Variants in UNC13A observed in about 807,000 individuals in gnomAD.
UNC13A encodes unc-13 homolog A, also known as protein unc-13 homolog A.
In UNC13A, 61 loss-of-function variants were observed where a neutral mutation model predicts 219.7. The ratio of observed to expected loss-of-function variants is 0.28; its 90% CI spans 0.23 to 0.34. The LOEUF (loss-of-function observed/expected upper bound fraction) is 0.34. UNC13A is among the 10% of genes least tolerant of loss of function. The pLI, the probability that UNC13A is intolerant of heterozygous loss-of-function variation, is 1.00. For synonymous variants in UNC13A, 920 were observed against 884.6 expected (o/e 1.04, Z -0.71); for missense variants, 1,476 against 2,270.3 (o/e 0.65, Z 7.11).
intron 38 of UNC13A, 86 bp downstream of exon 38, chr19:17,620,607 C>T (rs866393177): frequency 1.4e-5 from 19 of 1,397,966 alleles, no homozygotes; most frequent in South Asian, 6.2e-5. Context: ...TCGGACGGCA[C>T]GAACCACAGA....
In UNC13A at chr19:17,627,391, G is replaced by A. The variant is rs1327287495; in HGVS notation, c.3920+118C>T. ...AAAGCCAAGATTTGAACTCAGCCTT[G>A]TCTAACTCTGAGCCTGCAATCTTCA... On this transcript the variant is annotated intron_variant, in intron 33 of 43. Transcript: ENST00000519716. The surrounding 1 kb of genome is among the most constrained non-coding windows in gnomAD (Gnocchi z 4.7). 4 of 780,398 alleles carry A rather than the reference G, an allele frequency of 5.1e-6. No individual in the cohort carries two copies. The African/African-American group carries it at 5.2e-5, about 10-fold the overall frequency. 48.3% of individuals were successfully genotyped at this position (780,398 alleles called of 1,614,324 possible).
At chr19:17,619,463 T>G (rs1599336539) in intron 38 of UNC13A, among the ~76,000 whole-genome samples, 4 of 143,516 alleles carry the variant, frequency 2.8e-5, no homozygotes, top group Admixed American at 1.5e-4. Context: ...TGAGACAGAG[T>G]CTCCCTCTGT....
At chr19:17,609,904 C>G (rs373455211) in intron 43 of UNC13A, 36 bp downstream of exon 43, 33 of 1,610,280 alleles carry the variant, frequency 2.0e-5, no homozygotes, top group Non-Finnish European at 2.6e-5. Context: ...TGCCCCCTCC[C>G]TTGCCCCCAT....
intron 43 of UNC13A, among the ~76,000 whole-genome samples, chr19:17,607,469 G>A (rs1372958658): frequency 7.3e-6 from 1 of 137,642 alleles, no homozygotes; most frequent in Admixed American, 7.2e-5. Flanking sequence ...GCGGGGGGGG[G>A]GGTCTCACCA....
chr19:17,648,794 C>T, intron 15 of UNC13A, 118 bp downstream of exon 15: 2 of 1,479,770 alleles, frequency 1.4e-6, no homozygotes, highest in Admixed American at 2.2e-5. Flanking sequence ...TGCCTTCTGC[C>T]AGTCTGTGTC....
At chr19:17,681,127 T>C (rs1387926093) in intron 1 of UNC13A, among the ~76,000 whole-genome samples, 1 of 145,756 alleles carries the variant, frequency 6.9e-6, no homozygotes, top group East Asian at 2.0e-4. Context: ...TATGGCTGGC[T>C]TCAAGGCTCA....
Position 17,646,103 on chromosome 19 carries a change from C to T in UNC13A, c.2053G>A (p.Ala685Thr). 6.2e-7 allele frequency: 1 copy of T among 1,613,738 alleles called. No homozygotes were observed. The highest frequency in any genetic ancestry group is 8.5e-7 in the Non-Finnish European group (1 of 1,179,904). The stretch of plus-strand genomic sequence containing the variant: ...TTGTCCTTTGCCTGCAAGCCCTGGG[C>T]GCAGACCACTGGAAGACACAGAGGG... ...SAKISITVVC[A>T]QGLQAKDKTG... Residue 685 changes from alanine to threonine, a missense_variant, in exon 18 of 44, where the codon GCC (alanine) becomes ACC (threonine). Ala to Thr is a moderately conservative substitution (Grantham distance 58, BLOSUM62 0). Transcript: ENST00000519716.
intron 34 of UNC13A, chr19:17,626,371 T>C (rs2076783934): frequency 2.3e-6 from 1 of 432,026 alleles, no homozygotes; most frequent in South Asian, 4.4e-5. Context: ...TTTTAATCCA[T>C]GCGTCCACCC....
At chr19:17,625,898 G>T (rs543726905) in intron 34 of UNC13A, among the ~76,000 whole-genome samples, 1 of 142,668 alleles carries the variant, frequency 7.0e-6, no homozygotes, top group African/African-American at 2.6e-5. Context: ...TTTATTCAAT[G>T]ATCTAAATAT....
chr19:17,621,379 T>C (rs912664583), intron 37 of UNC13A, among the ~76,000 whole-genome samples: 1 of 152,196 alleles, frequency 6.6e-6, no homozygotes, highest in African/African-American at 2.4e-5. Context: ...CGATATCTTC[T>C]GCACAAGTGT....
rs2076498447 is a variant in UNC13A at position 17,604,315 on chromosome 19, C to T, written c.*1739G>A. 6.6e-6 allele frequency: 1 copy of T among 152,188 alleles called. No individual in the cohort carries two copies. The highest frequency in any genetic ancestry group is 1.5e-5 in the Non-Finnish European group (1 of 68,070). 9.4% of individuals were successfully genotyped at this position (152,188 alleles called of 1,614,324 possible). ...AACTCCTCAGGACTGCGTACGAGGC[C>T]CTGCCTGGTCTGATGCTTCTGCAGA... On this transcript the variant is annotated 3_prime_UTR_variant, in exon 44 of 44. Transcript: ENST00000519716.
At chr19:17,610,760 G>T (rs1964543222) in intron 42 of UNC13A, among the ~76,000 whole-genome samples, 1 of 152,140 alleles carries the variant, frequency 6.6e-6, no homozygotes, top group Non-Finnish European at 1.5e-5. Context: ...CAGGTATGGT[G>T]GCTCACGTCT....
In UNC13A at chr19:17,607,011, A is replaced by G. The variant is rs572367114; in HGVS notation, c.4812-657T>C. Among the ~76,000 whole-genome samples, 20 of 152,070 alleles carry G rather than the reference A, an allele frequency of 1.3e-4. 1 individual carries two copies. The South Asian group carries it at 4.2e-3, about 32-fold the overall frequency. ...AGCTTCTCCCTCTTGTCCACCTCCC[A>G]GGTTGTACCTCTATCCCTGAAGTAC... On this transcript the variant is annotated intron_variant, in intron 43 of 43. Coordinates refer to ENST00000519716, the MANE Select transcript of UNC13A (RefSeq NM_001080421.3).
In UNC13A at chr19:17,656,219, C is replaced by G; in HGVS notation, c.947G>C (p.Arg316Pro). The change falls in exon 10 of 44, where the codon CGC (arginine) becomes CCC (proline). Residue 316 changes from arginine to proline, a missense_variant. Arg to Pro is a moderately radical substitution (Grantham distance 103). Transcript: ENST00000519716. ...SSVSYHKDSP[R>P]WDQDEEELEE... ...CAGCTCTTCCTCATCCTGGTCCCAGCGAGGCGAGTCTTTGTGGTAGCTGAC... is the reference window on the plus strand; with the variant it reads ...CAGCTCTTCCTCATCCTGGTCCCAGGGAGGCGAGTCTTTGTGGTAGCTGAC... 1 of 1,552,170 alleles carries G rather than the reference C, an allele frequency of 6.4e-7. No individual in the cohort carries two copies. Among genetic ancestry groups the G allele is most frequent in the South Asian group, 1.2e-5 (1 of 84,052 alleles).
chr19:17,688,269 G>C lies in UNC13A; in HGVS notation c.-70C>G. On this transcript the variant is annotated 5_prime_UTR_variant, in exon 1 of 44. Coordinates refer to ENST00000519716, the MANE Select transcript of UNC13A (RefSeq NM_001080421.3). Reference sequence around the variant, plus strand: ...GTCGGGTCGGGCTCAGCGGCCGCTGGGCTGGGGCATCTCCCGGCTGCAGCC... The same window carrying C: ...GTCGGGTCGGGCTCAGCGGCCGCTGCGCTGGGGCATCTCCCGGCTGCAGCC... 1.4e-6 allele frequency: 2 copies of C among 1,383,624 alleles called. No homozygotes were observed. The highest frequency in any genetic ancestry group is 1.9e-6 in the Non-Finnish European group (2 of 1,069,522). 85.7% of individuals were successfully genotyped at this position (1,383,624 alleles called of 1,614,324 possible).
intron 19 of UNC13A, among the ~76,000 whole-genome samples, chr19:17,644,274 A>G (rs2077000652): frequency 6.8e-6 from 1 of 147,952 alleles, no homozygotes; most frequent in Non-Finnish European, 1.5e-5. Flanking sequence ...CTGCAGCTTC[A>G]ACCTCCCAGG....
chr19:17,630,102 C>T (rs1261259675), intron 30 of UNC13A, 43 bp downstream of exon 30: 2 of 1,547,384 alleles, frequency 1.3e-6, no homozygotes, highest in East Asian at 2.4e-5. Flanking sequence ...TTCCCTAACC[C>T]TGACCCTGTC....
Position 17,605,895 on chromosome 19 carries a change from CA to C in UNC13A, c.*158del. The C allele has an allele frequency of 2.8e-6, 2 of 704,734 alleles. No homozygotes were observed. Among genetic ancestry groups the C allele is most frequent in the Non-Finnish European group, 4.1e-6 (2 of 482,560 alleles). The allele number at this position is 704,734 out of a possible 1,614,324, so 43.7% of individuals were successfully genotyped here. On this transcript the variant is annotated 3_prime_UTR_variant, in exon 44 of 44. Coordinates refer to ENST00000519716, the MANE Select transcript of UNC13A (RefSeq NM_001080421.3). ...GGGGCATCCTCCATTCCTAATTCCC[CA>C]AAAGGGAAAGCTGAGTCAAGGGCGT...
intron 7 of UNC13A, among the ~76,000 whole-genome samples, chr19:17,666,236 A>G (rs2079645592): frequency 1.3e-5 from 1 of 76,284 alleles, no homozygotes; most frequent in Non-Finnish European, 2.7e-5. Flanking sequence ...TTTTTGAGTC[A>G]GAGTCTTGCT....
Sources: allele counts gnomAD v4.1 joint callset (sites outside exome capture counted in the v4.1 genomes callset), GRCh38; gene constraint gnomAD v4.1.1; non-coding constraint Gnocchi (gnomAD v3.1); transcripts MANE v1.5; gene names NCBI Gene and HGNC (gene_info 2026-07-23, HGNC 2026-07-21).